SDHAF3: variants seen among roughly 807,000 people sequenced by gnomAD.
SDHAF3 encodes the protein succinate dehydrogenase complex assembly factor 3, also known as succinate dehydrogenase assembly factor 3, mitochondrial.
SDHAF3 carries 18 observed loss-of-function variants against 11.5 expected under a neutral mutation model. That is an observed-to-expected ratio of 1.56 (90% CI 1.08 to 2.32). SDHAF3 has a LOEUF of 2.32. Ranked by LOEUF, SDHAF3 falls within the 30% of genes most tolerant of loss-of-function variation. SDHAF3 has a pLI of 0.00. For missense variants in SDHAF3, 200 were observed against 154.4 expected (o/e 1.30, Z -1.57); for synonymous variants, 72 against 59.3 (o/e 1.21, Z -0.99).
At chr7:97,150,033 T>A (rs563339285) in intron 1 of SDHAF3, among the ~76,000 whole-genome samples, 3 of 152,380 alleles carry the variant, frequency 2.0e-5, no homozygotes, top group Admixed American at 6.5e-5. Flanking sequence ...AAGAAATCAC[T>A]TTCTTTGCTC....
chr7:97,181,298 CT>C lies in SDHAF3; in HGVS notation c.*86del. ...CATTGGTTTTTGAAATATATTTAAG[CT>C]TTGAAAACACCTGTTATTAATGAAA... is the stretch of plus-strand genomic sequence containing the variant. On this transcript the variant is annotated 3_prime_UTR_variant, in exon 2 of 2. Transcript: ENST00000432641. 7 of 977,758 alleles carry C rather than the reference CT, an allele frequency of 7.2e-6. No individual in the cohort carries two copies. The South Asian group carries it at 1.2e-4, about 17-fold the overall frequency. The allele number at this position is 977,758 out of a possible 1,614,324, so 60.6% of individuals were successfully genotyped here. A position where few individuals can be genotyped will look rare whatever the true frequency, so the allele number is the denominator to read the frequency against.
chr7:97,128,159 A>G (rs1391470533), intron 1 of SDHAF3, among the ~76,000 whole-genome samples: 1 of 152,080 alleles, frequency 6.6e-6, no homozygotes, highest in Non-Finnish European at 1.5e-5. Context: ...CGGCCTCCCA[A>G]AGTCAAGTTT....
chr7:97,169,909 A>T (rs1302734907), intron 1 of SDHAF3, among the ~76,000 whole-genome samples: 1 of 152,120 alleles, frequency 6.6e-6, no homozygotes, highest in Non-Finnish European at 1.5e-5. Flanking sequence ...TGAGTTTTGT[A>T]TATTAGCTTT....
chr7:97,171,353 A>G (rs754474427), intron 1 of SDHAF3, among the ~76,000 whole-genome samples: 4 of 152,144 alleles, frequency 2.6e-5, no homozygotes, highest in African/African-American at 4.8e-5. Flanking sequence ...TTTCAAAACT[A>G]TAAAAAATTA....
At chr7:97,172,223 G>A (rs951690254) in intron 1 of SDHAF3, among the ~76,000 whole-genome samples, 1 of 152,054 alleles carries the variant, frequency 6.6e-6, no homozygotes. Context: ...TATTTTACTT[G>A]GGAAGCTTTT....
chr7:97,132,471 T>C (rs1461321089), intron 1 of SDHAF3, among the ~76,000 whole-genome samples: 1 of 152,230 alleles, frequency 6.6e-6, no homozygotes, highest in Non-Finnish European at 1.5e-5. Flanking sequence ...ATTTGGTACC[T>C]ATCATCAGTG....
chr7:97,175,027 T>C (rs1025010191), intron 1 of SDHAF3, among the ~76,000 whole-genome samples: 2 of 152,072 alleles, frequency 1.3e-5, no homozygotes, highest in African/African-American at 4.8e-5. Context: ...TTTGGTTTTC[T>C]TGTTGTTGTT....
chr7:97,181,044 C>T lies in SDHAF3; in HGVS notation c.207C>T (p.Asn69=), dbSNP rs376839933. The change falls in exon 2 of 2, where the codon AAC becomes AAT. Residue 69 remains asparagine, a synonymous_variant. Transcript: ENST00000432641. Reference sequence around the variant, plus strand: ...CAACAGCGTTATTGCAACAGGCTAACGAAAACAGACAAAATTCAACTGGAA... The same window carrying T: ...CAACAGCGTTATTGCAACAGGCTAATGAAAACAGACAAAATTCAACTGGAA... ...VYATALLQQA[N]ENRQNSTGKA... The T allele has an allele frequency of 1.9e-5, 31 of 1,613,834 alleles. No individual in the cohort carries two copies. The highest frequency in any genetic ancestry group is 6.7e-5 in the Admixed American group (4 of 59,986).
At chr7:97,166,006 G>A (rs1415674310) in intron 1 of SDHAF3, among the ~76,000 whole-genome samples, 1 of 152,102 alleles carries the variant, frequency 6.6e-6, no homozygotes, top group Non-Finnish European at 1.5e-5. Flanking sequence ...GGCAAACCTG[G>A]GGCAGGGGTA....
At chr7:97,128,874 CT>C (rs925353215) in intron 1 of SDHAF3, among the ~76,000 whole-genome samples, 30 of 151,388 alleles carry the variant, frequency 2.0e-4, no homozygotes, top group Non-Finnish European at 3.8e-4. Context: ...AGTTGGTGCA[CT>C]TTTTTTTTCC....
intron 1 of SDHAF3, among the ~76,000 whole-genome samples, chr7:97,121,699 G>T (rs768037713): frequency 6.6e-6 from 1 of 152,118 alleles, no homozygotes; most frequent in Non-Finnish European, 1.5e-5. Flanking sequence ...TGGGATCAAG[G>T]AGTAATGGAG....
intron 1 of SDHAF3, among the ~76,000 whole-genome samples, chr7:97,126,652 C>T (rs557153970): frequency 5.7e-4 from 87 of 152,238 alleles, no homozygotes; most frequent in Non-Finnish European, 1.1e-3. Context: ...CTCCCCCCAC[C>T]AAGCTGTGTC....
Position 97,136,707 on chromosome 7 carries a change from T to C in SDHAF3, c.174+18810T>C, listed in dbSNP as rs528165658. Among the ~76,000 whole-genome samples the C allele has an allele frequency of 2.0e-4, 30 of 152,344 alleles. No homozygotes were observed. In the South Asian group the frequency reaches 2.3e-3, roughly 12 times the overall value. ...AAAGCATAACTGGAATCTGAAATTA[T>C]TTTGCTTTAGCTTAGTCTGTAGTTA... On this transcript the variant is annotated intron_variant, in intron 1 of 1. Coordinates refer to ENST00000432641, the MANE Select transcript of SDHAF3 (RefSeq NM_020186.3).
intron 1 of SDHAF3, among the ~76,000 whole-genome samples, chr7:97,155,240 AAAATTT>A (rs1789284459): frequency 6.6e-6 from 1 of 152,184 alleles, no homozygotes; most frequent in African/African-American, 2.4e-5. Context: ...CTTCAATTTT[AAAATTT>A]AAATTTAAAT....
chr7:97,134,020 A>G (rs1584212528), intron 1 of SDHAF3, among the ~76,000 whole-genome samples: 1 of 152,226 alleles, frequency 6.6e-6, no homozygotes, highest in South Asian at 2.1e-4. Flanking sequence ...TTTACTGACG[A>G]AGAGGTCTAT....
intron 1 of SDHAF3, among the ~76,000 whole-genome samples, chr7:97,128,384 C>T (rs943661417): frequency 2.0e-5 from 3 of 152,050 alleles, no homozygotes; most frequent in Admixed American, 6.6e-5. Flanking sequence ...TAACAATGCT[C>T]ATGATAAAGT....
chr7:97,177,213 A>G (rs1478009434), intron 1 of SDHAF3, among the ~76,000 whole-genome samples: 2 of 152,084 alleles, frequency 1.3e-5, no homozygotes, highest in African/African-American at 4.8e-5. Flanking sequence ...TATAAAAATA[A>G]GATATCCGGC....
At chr7:97,164,448 T>C (rs556410254) in intron 1 of SDHAF3, among the ~76,000 whole-genome samples, 95 of 148,722 alleles carry the variant, frequency 6.4e-4, no homozygotes, top group South Asian at 2.4e-3. Flanking sequence ...AATGGCGCAA[T>C]CTCGGCTCAC....
At chr7:97,150,469 A>G (rs1166502413) in intron 1 of SDHAF3, among the ~76,000 whole-genome samples, 2 of 152,010 alleles carry the variant, frequency 1.3e-5, no homozygotes, top group Non-Finnish European at 2.9e-5. Context: ...GCATGAAAAC[A>G]TTATTAATCT....
Sources: allele counts gnomAD v4.1 joint callset (sites outside exome capture counted in the v4.1 genomes callset), GRCh38; gene constraint gnomAD v4.1.1; transcripts MANE v1.5; gene names NCBI Gene and HGNC (gene_info 2026-07-23, HGNC 2026-07-21).